Variants in FAM135B observed in about 807,000 individuals in gnomAD.
FAM135B encodes the protein family with sequence similarity 135 member B, also known as protein FAM135B.
A neutral mutation model predicts 127.7 loss-of-function variants in FAM135B; 43 were observed. The observed-to-expected ratio is 0.34, with a 90% CI of 0.26 to 0.43. FAM135B has a LOEUF of 0.43. Ranked by LOEUF, FAM135B falls within the 20% of genes least tolerant of loss-of-function variation. The probability of loss-of-function intolerance (pLI) is 1.00; values close to 1 mark genes in which losing one functional copy is unlikely to be tolerated. For synonymous variants in FAM135B, 670 were observed against 665.1 expected (o/e 1.01, Z -0.11); for missense variants, 1,558 against 1,725.6 (o/e 0.90, Z 1.72).
chr8:138,483,087 A>G (rs1351603245), intron 1 of FAM135B, among the ~76,000 whole-genome samples: 1 of 138,938 alleles, frequency 7.2e-6, no homozygotes, highest in Non-Finnish European at 1.5e-5. Context: ...TTAAAATTTG[A>G]AAAAAAAAAA....
At chr8:138,229,012 C>T (rs1256475244) in intron 7 of FAM135B, among the ~76,000 whole-genome samples, 1 of 151,274 alleles carries the variant, frequency 6.6e-6, no homozygotes, top group Admixed American at 6.6e-5. Context: ...TCCTGCGAAG[C>T]GCCCGTGTTT....
chr8:138,424,391 C>T lies in FAM135B; in HGVS notation c.-19-56389G>A, dbSNP rs779741108. On this transcript the variant is annotated intron_variant, in intron 1 of 19. Transcript: ENST00000395297. ...CATGGCTTCAGCCGGTCCCTCCGTT[C>T]GAGGTCCCTGACTTCCCACAACAGT... Among the ~76,000 whole-genome samples, 60 of 152,194 alleles carry T rather than the reference C, an allele frequency of 3.9e-4. 1 individual carries two copies. Among genetic ancestry groups the T allele is most frequent in the Admixed American group, 8.5e-4 (13 of 15,278 alleles).
intron 7 of FAM135B, among the ~76,000 whole-genome samples, chr8:138,217,406 C>G (rs1376031481): frequency 6.7e-6 from 1 of 150,294 alleles, no homozygotes; most frequent in Non-Finnish European, 1.5e-5. Flanking sequence ...CCATGTGAGG[C>G]TATTCATTTG....
rs757320885 is a variant in FAM135B at position 138,167,870 on chromosome 8, T to C, written c.1258+25A>G. 1.9e-6 allele frequency: 3 copies of C among 1,589,996 alleles called. No individual in the cohort carries two copies. In the Admixed American group the frequency reaches 5.2e-5, roughly 27 times the overall value. ...CCCACTGGAAAGCCTTATTCCTGAG[T>C]CTTTCCAAAACAAAACAGACAAACC... On this transcript the variant is annotated intron_variant, in intron 12 of 19. Transcript: ENST00000395297.
At chr8:138,278,816 T>C (rs982042830) in intron 3 of FAM135B, among the ~76,000 whole-genome samples, 16 of 152,128 alleles carry the variant, frequency 1.1e-4, no homozygotes, top group African/African-American at 3.9e-4. Flanking sequence ...TCATTTTCTG[T>C]AAAATGGAGC....
chr8:138,169,943 T>C (rs1457399148), intron 11 of FAM135B, among the ~76,000 whole-genome samples: 1 of 152,196 alleles, frequency 6.6e-6, no homozygotes, highest in East Asian at 1.9e-4. Context: ...GCCTAGCAAG[T>C]GTTGAAAAAC....
chr8:138,269,534 A>G (rs1337598564), intron 3 of FAM135B, among the ~76,000 whole-genome samples: 1 of 152,238 alleles, frequency 6.6e-6, no homozygotes, highest in East Asian at 1.9e-4. Flanking sequence ...CTTTAAACTC[A>G]GGATATACTC....
chr8:138,270,466 G>C (rs1367175114), intron 3 of FAM135B, among the ~76,000 whole-genome samples: 1 of 152,290 alleles, frequency 6.6e-6, no homozygotes, highest in East Asian at 1.9e-4. Flanking sequence ...GGAAAGATGA[G>C]GACCCACCTA....
chr8:138,217,295 T>C (rs1234544161), intron 7 of FAM135B, among the ~76,000 whole-genome samples: 1 of 152,198 alleles, frequency 6.6e-6, no homozygotes, highest in Non-Finnish European at 1.5e-5. Flanking sequence ...CAAAATGGTA[T>C]AACTGAAAAA....
chr8:138,334,918 G>C (rs926429302), intron 2 of FAM135B, among the ~76,000 whole-genome samples: 1 of 152,116 alleles, frequency 6.6e-6, no homozygotes, highest in Non-Finnish European at 1.5e-5. Flanking sequence ...AAAAGGTAAA[G>C]GATTCAGTGT....
intron 6 of FAM135B, among the ~76,000 whole-genome samples, chr8:138,248,112 T>G (rs1489097595): frequency 6.6e-6 from 1 of 152,332 alleles, no homozygotes; most frequent in Middle Eastern, 3.4e-3. Flanking sequence ...GGCTTTTACA[T>G]GTGCTGTCTC....
intron 7 of FAM135B, among the ~76,000 whole-genome samples, chr8:138,219,407 C>T (rs368310012): frequency 3.9e-5 from 6 of 152,308 alleles, no homozygotes; most frequent in African/African-American, 1.4e-4. Context: ...CAGCTTTCAT[C>T]GTAGGGGTTG....
At chr8:138,425,460 G>A (rs904150763) in intron 1 of FAM135B, 2 of 152,176 alleles carry the variant, frequency 1.3e-5, no homozygotes, top group Non-Finnish European at 2.9e-5. Flanking sequence ...TGCGAAGGGA[G>A]TGGGGACAGA....
chr8:138,477,771 T>C (rs1248491299), intron 1 of FAM135B, among the ~76,000 whole-genome samples: 2 of 152,236 alleles, frequency 1.3e-5, no homozygotes. Context: ...GTCTAGTGAA[T>C]GGAATTAGGA....
intron 1 of FAM135B, among the ~76,000 whole-genome samples, chr8:138,431,953 A>G (rs907103192): frequency 2.0e-5 from 3 of 152,192 alleles, no homozygotes; most frequent in East Asian, 1.9e-4. Context: ...GAGGCACCCA[A>G]AGATAACCAA....
intron 2 of FAM135B, among the ~76,000 whole-genome samples, chr8:138,357,172 T>A: frequency 6.6e-6 from 1 of 152,278 alleles, no homozygotes; most frequent in Non-Finnish European, 1.5e-5. Flanking sequence ...CAATTTTAAA[T>A]AATGAAATTA....
intron 12 of FAM135B, among the ~76,000 whole-genome samples, chr8:138,156,590 C>T (rs142962447): frequency 0.32 from 48,873 of 151,572 alleles, 8,906 homozygotes; most frequent in East Asian, 0.52. Context: ...ATCAAATAGA[C>T]ACAATAAAAA....
intron 1 of FAM135B, among the ~76,000 whole-genome samples, chr8:138,407,218 T>G (rs2131387899): frequency 6.7e-6 from 1 of 149,394 alleles, no homozygotes; most frequent in South Asian, 2.1e-4. Context: ...AAGGACCTCT[T>G]CAAGGAGAAC....
At chr8:138,288,477 T>C (rs1824865463) in intron 3 of FAM135B, among the ~76,000 whole-genome samples, 1 of 152,034 alleles carries the variant, frequency 6.6e-6, no homozygotes, top group African/African-American at 2.4e-5. Flanking sequence ...CTGAGGGATC[T>C]GGAGGAAAGG....
Sources: gnomAD v4.1 joint callset for allele counts (sites outside exome capture counted in the v4.1 genomes callset) on GRCh38, gnomAD v4.1.1 for gene constraint, MANE v1.5 for transcripts, NCBI Gene and HGNC (gene_info 2026-07-23, HGNC 2026-07-21) for gene names.